The following WWOX variants were observed in gnomAD, a reference collection of about 807,000 sequenced individuals.
WWOX encodes WW domain-containing oxidoreductase.
In WWOX, 69 loss-of-function variants were observed where a neutral mutation model predicts 46.2. The observed-to-expected ratio is 1.49, with a 90% CI of 1.23 to 1.82. WWOX has a LOEUF of 1.82. Among genes scored for constraint, WWOX ranks in the 40% most tolerant of loss-of-function variants. WWOX has a pLI of 0.00. For missense variants in WWOX, 919 were observed against 542.6 expected, an observed-to-expected ratio of 1.69 and a Z score of -6.89; for synonymous variants, 359 against 202.6, an observed-to-expected ratio of 1.77 and a Z score of -6.56.
At chr16:78,700,820 T>G (rs1409196384) in intron 8 of WWOX, among the ~76,000 whole-genome samples, 1 of 152,218 alleles carries the variant, frequency 6.6e-6, no homozygotes, top group African/African-American at 2.4e-5. Context: ...ATTGAATGAT[T>G]TCCAACTAAT....
intron 5 of WWOX, among the ~76,000 whole-genome samples, chr16:78,360,935 C>T (rs1457712781): frequency 6.6e-6 from 1 of 152,032 alleles, no homozygotes; most frequent in Non-Finnish European, 1.5e-5. Flanking sequence ...ATCCTCCCAC[C>T]TCAGTCTCCT....
chr16:78,152,335 T>A (rs1338633361), intron 4 of WWOX, among the ~76,000 whole-genome samples: 1 of 152,252 alleles, frequency 6.6e-6, no homozygotes, highest in African/African-American at 2.4e-5. Flanking sequence ...ACATTTTGGT[T>A]GATTGCAGTC....
intron 5 of WWOX, among the ~76,000 whole-genome samples, chr16:78,356,471 C>A (rs547734314): frequency 6.6e-6 from 1 of 152,148 alleles, no homozygotes; most frequent in African/African-American, 2.4e-5. Context: ...AGATATGACA[C>A]ATCTCTAGTT....
intron 8 of WWOX, among the ~76,000 whole-genome samples, chr16:79,011,988 C>G (rs117702520): frequency 6.6e-6 from 1 of 152,052 alleles, no homozygotes; most frequent in Non-Finnish European, 1.5e-5. Flanking sequence ...TATCTTTTTC[C>G]TCTATTGTTT....
chr16:78,319,287 A>G (rs900193903), intron 5 of WWOX, among the ~76,000 whole-genome samples: 6 of 149,018 alleles, frequency 4.0e-5, no homozygotes, highest in Non-Finnish European at 7.5e-5. Flanking sequence ...TCGTTTTACT[A>G]TTTTCTTATT....
At chr16:78,270,569 C>T (rs2079457457) in intron 5 of WWOX, 1 of 152,190 alleles carries the variant, frequency 6.6e-6, no homozygotes, top group South Asian at 2.1e-4. Context: ...AGAAATAAAG[C>T]TCATGCTGTT....
intron 5 of WWOX, among the ~76,000 whole-genome samples, chr16:78,305,472 A>C (rs1485687637): frequency 1.3e-5 from 2 of 152,130 alleles, no homozygotes; most frequent in Admixed American, 6.5e-5. Context: ...AACTCTTCCA[A>C]ATGATGGCAG....
chr16:79,062,332 G>C (rs2048370593), intron 8 of WWOX, among the ~76,000 whole-genome samples: 1 of 152,182 alleles, frequency 6.6e-6, no homozygotes. Flanking sequence ...ATTATCTTCA[G>C]TTGGATGGAG....
intron 6 of WWOX, among the ~76,000 whole-genome samples, chr16:78,420,653 T>C (rs866241721): frequency 3.8e-5 from 2 of 52,126 alleles, no homozygotes; most frequent in African/African-American, 7.4e-4. Flanking sequence ...GATTGCTAAT[T>C]TTTTTTTTTT....
chr16:78,236,313 T>C (rs1453549073), intron 5 of WWOX, among the ~76,000 whole-genome samples: 1 of 152,210 alleles, frequency 6.6e-6, no homozygotes. Flanking sequence ...CTGGCCTCCT[T>C]ATACATACTT....
chr16:78,846,356 A>G (rs2052298579), intron 8 of WWOX, among the ~76,000 whole-genome samples: 1 of 152,138 alleles, frequency 6.6e-6, no homozygotes, highest in African/African-American at 2.4e-5. Context: ...TCCTTCTTTT[A>G]CAACCAGATA....
chr16:78,569,108 G>A (rs780724044), intron 8 of WWOX, among the ~76,000 whole-genome samples: 4 of 152,098 alleles, frequency 2.6e-5, no homozygotes, highest in South Asian at 2.1e-4. Flanking sequence ...TTTGCAAACC[G>A]TTTCTTAAAA....
At chr16:78,323,139 G>A (rs993717849) in intron 5 of WWOX, among the ~76,000 whole-genome samples, 1 of 151,990 alleles carries the variant, frequency 6.6e-6, no homozygotes, top group Non-Finnish European at 1.5e-5. Context: ...ACGGAGTCTT[G>A]CTCTGTTGCC....
At chr16:78,921,255 G>T (rs953182576) in intron 8 of WWOX, among the ~76,000 whole-genome samples, 1 of 152,158 alleles carries the variant, frequency 6.6e-6, no homozygotes, top group Admixed American at 6.5e-5. Flanking sequence ...CACTGTGCCA[G>T]AATAGATACA....
intron 5 of WWOX, among the ~76,000 whole-genome samples, chr16:78,377,799 A>C (rs149402629): frequency 6.6e-6 from 1 of 152,260 alleles, no homozygotes; most frequent in Non-Finnish European, 1.5e-5. Context: ...ATGGCACGCA[A>C]CTCATATACT....
intron 8 of WWOX, among the ~76,000 whole-genome samples, chr16:78,649,842 G>C (rs1011245357): frequency 1.9e-4 from 29 of 152,286 alleles, no homozygotes; most frequent in African/African-American, 7.0e-4. Context: ...GGCATACAGA[G>C]GAATTAAATG....
intron 8 of WWOX, among the ~76,000 whole-genome samples, chr16:79,032,225 T>C (rs1437037497): frequency 6.8e-6 from 1 of 146,450 alleles, no homozygotes; most frequent in Non-Finnish European, 1.5e-5. Flanking sequence ...CATATGTATA[T>C]ATGTATGTAT....
In WWOX at chr16:78,350,679, A is replaced by G. The variant is rs531668402; in HGVS notation, c.517-36181A>G. Among the ~76,000 whole-genome samples, 6 of 121,800 alleles carry G rather than the reference A, an allele frequency of 4.9e-5. No individual in the cohort carries two copies. In the East Asian group the frequency reaches 1.2e-3, roughly 23 times the overall value. 79.9% of individuals were successfully genotyped at this position (121,800 alleles called of 152,430 possible). On this transcript the variant is annotated intron_variant, in intron 5 of 8. Coordinates refer to ENST00000566780, the MANE Select transcript of WWOX (RefSeq NM_016373.4). Reference sequence around the variant, plus strand: ...GTAATATTCCATTTACGGATATGCCACATTTCATCTATGCATTCAGTTCAC... The same window carrying G: ...GTAATATTCCATTTACGGATATGCCGCATTTCATCTATGCATTCAGTTCAC...
At chr16:78,621,146 A>AAACCAGATGGTTTT (rs1364055840) in intron 8 of WWOX, among the ~76,000 whole-genome samples, 1 of 152,158 alleles carries the variant, frequency 6.6e-6, no homozygotes, top group Non-Finnish European at 1.5e-5. Flanking sequence ...TATAGTGCAG[A>AAACCAGATGGTTTT]AACCAGATGG....
Sources: allele counts gnomAD v4.1 joint callset (sites outside exome capture counted in the v4.1 genomes callset), GRCh38; gene constraint gnomAD v4.1.1; transcripts MANE v1.5; gene names NCBI Gene and HGNC (gene_info 2026-07-23, HGNC 2026-07-21).